The following FRAS1 variants were observed in gnomAD, a reference collection of about 807,000 sequenced individuals.
The protein encoded by FRAS1 is extracellular matrix organizing protein FRAS1.
FRAS1 carries 290 observed loss-of-function variants against 435.2 expected under a neutral mutation model. That is an observed-to-expected ratio of 0.67 (90% CI 0.61 to 0.73). The LOEUF is 0.73. Ranked by LOEUF, FRAS1 falls within the 30% of genes least tolerant of loss-of-function variation. The pLI is 0.00. For missense variants in FRAS1, 4,860 were observed against 5,001.5 expected, an observed-to-expected ratio of 0.97 and a Z score of 0.85; for synonymous variants, 1,800 against 1,851.0, an observed-to-expected ratio of 0.97 and a Z score of 0.71.
chr4:78,410,351 G>C (rs950105245), intron 31 of FRAS1, among the ~76,000 whole-genome samples: 4 of 151,250 alleles, frequency 2.6e-5, no homozygotes, highest in African/African-American at 9.7e-5. Flanking sequence ...CCTGTCCATT[G>C]GAGTTATTTG....
At position 78,315,644 on chromosome 4, in the gene FRAS1, A is replaced by C; in HGVS notation, c.1729A>C (p.Thr577Pro). 6.2e-7 allele frequency: 1 copy of C among 1,613,894 alleles called. No homozygotes were observed. Among genetic ancestry groups the C allele is most frequent in the Non-Finnish European group, 8.5e-7 (1 of 1,179,836 alleles). Residue 577 changes from threonine (T) to proline (P), a missense_variant, in exon 16 of 74, where the codon ACC (threonine) becomes CCC (proline). Thr to Pro is a conservative substitution (Grantham distance 38). Transcript: ENST00000512123. ...SCGPSSPRCL[T>P]CTEKTVLHDG... ...TGGCCCCAGTAGCCCCAGGTGTCTT[A>C]CCTGTACTGAGAAGACAGTGCTGCA...
intron 3 of FRAS1, among the ~76,000 whole-genome samples, chr4:78,241,014 C>G (rs1046000920): frequency 2.6e-5 from 4 of 152,042 alleles, no homozygotes; most frequent in Admixed American, 1.3e-4. Flanking sequence ...TGTAGGCCAC[C>G]GGTGGCCACG....
chr4:78,121,277 A>G (rs1343323692), intron 2 of FRAS1, among the ~76,000 whole-genome samples: 1 of 152,208 alleles, frequency 6.6e-6, no homozygotes, highest in African/African-American at 2.4e-5. Context: ...AAGTAAAACA[A>G]GTTTCTTTGA....
At chr4:78,086,067 C>T (rs1741145024) in intron 2 of FRAS1, among the ~76,000 whole-genome samples, 2 of 152,160 alleles carry the variant, frequency 1.3e-5, no homozygotes, top group South Asian at 4.1e-4. Context: ...GAAATGATAA[C>T]AAACTGTCTC....
intron 2 of FRAS1, among the ~76,000 whole-genome samples, chr4:78,111,898 C>T (rs1167016623): frequency 6.6e-6 from 1 of 151,912 alleles, no homozygotes; most frequent in Non-Finnish European, 1.5e-5. Flanking sequence ...GAAAAGCAGG[C>T]TTACTGCAGC....
chr4:78,396,644 G>A (rs886468892), intron 29 of FRAS1, among the ~76,000 whole-genome samples: 7 of 152,262 alleles, frequency 4.6e-5, no homozygotes, highest in East Asian at 1.9e-4. Context: ...TGGAATTTCC[G>A]TAATAGGTTA....
chr4:78,371,100 T>TG (rs968813127), intron 23 of FRAS1, among the ~76,000 whole-genome samples: 9 of 151,038 alleles, frequency 6.0e-5, no homozygotes, highest in African/African-American at 2.2e-4. Flanking sequence ...TGTTTTTTTT[T>TG]TTTTTTGCCT....
Position 78,475,558 on chromosome 4 carries a change from G to T in FRAS1, c.7803G>T (p.Arg2601Ser). 1 of 1,613,394 alleles carries T rather than the reference G, an allele frequency of 6.2e-7. No homozygotes were observed. Among genetic ancestry groups the T allele is most frequent in the South Asian group, 1.1e-5 (1 of 90,958 alleles). The change falls in exon 54 of 74, where the codon AGG becomes AGT. Residue 2601 changes from arginine to serine, a missense_variant. Transcript: ENST00000512123. ...TEQGTASSSS[R>S]VSSQPGQQDY... ...AAGGCACCGCCAGCTCCAGCTCCAG[G>T]GTCAGCTCCCAACCTGGGCAACAGG...
chr4:78,338,049 C>T, intron 20 of FRAS1: 1 of 492,138 alleles, frequency 2.0e-6, no homozygotes, highest in Non-Finnish European at 3.7e-6. Context: ...CTCAGACTCT[C>T]ATATTAATGA....
In FRAS1 at chr4:78,479,671, C is replaced by A. The variant is rs903670881; in HGVS notation, c.8396C>A (p.Ser2799Ter). 3 of 1,609,268 alleles carry A rather than the reference C, an allele frequency of 1.9e-6. No individual in the cohort carries two copies. Among genetic ancestry groups the A allele is most frequent in the Non-Finnish European group, 2.5e-6 (3 of 1,176,808 alleles). ...CTCATTAGTGGTCCCAACGATGCCT[C>A]GACTGTGTCCCTGGGCAACACGGCT... ...KVLISGPNDASTVSLGNTAFT... is the reference protein window; with the variant it reads ...KVLISGPNDA Residue 2799 changes from serine to a stop codon, truncating the protein, a stop_gained, in exon 56 of 74, where the codon TCG becomes TAG. Coordinates refer to ENST00000512123, the MANE Select transcript of FRAS1 (RefSeq NM_025074.7). LOFTEE classifies it high-confidence loss of function.
chr4:78,143,145 T>C (rs998053088), intron 2 of FRAS1, among the ~76,000 whole-genome samples: 4 of 151,954 alleles, frequency 2.6e-5, no homozygotes, highest in Non-Finnish European at 5.9e-5. Context: ...TCAGAAATGA[T>C]GAAAATAAAA....
At chr4:78,338,018 A>T in intron 20 of FRAS1, 3 of 545,904 alleles carry the variant, frequency 5.5e-6, no homozygotes, top group Non-Finnish European at 6.5e-6. Flanking sequence ...TTCTAATAAT[A>T]CTCTTGCAAA....
chr4:78,170,428 A>AT (rs1721504481), intron 2 of FRAS1, among the ~76,000 whole-genome samples: 3 of 152,126 alleles, frequency 2.0e-5, no homozygotes, highest in African/African-American at 7.2e-5. Context: ...TTCATGTTGC[A>AT]TTTTAGCATC....
At chr4:78,504,613 G>T (rs1001352685) in intron 61 of FRAS1, among the ~76,000 whole-genome samples, 1 of 152,132 alleles carries the variant, frequency 6.6e-6, no homozygotes, top group Non-Finnish European at 1.5e-5. Context: ...GAGCATACGT[G>T]TGTCTCTGCA....
intron 14 of FRAS1, among the ~76,000 whole-genome samples, chr4:78,305,586 T>C (rs1728668743): frequency 7.5e-6 from 1 of 133,804 alleles, no homozygotes; most frequent in Admixed American, 7.7e-5. Context: ...TTAGCTCTTC[T>C]TGTTGAATTG....
At chr4:78,087,756 C>A (rs1032970276) in intron 2 of FRAS1, among the ~76,000 whole-genome samples, 2 of 152,170 alleles carry the variant, frequency 1.3e-5, no homozygotes, top group African/African-American at 2.4e-5. Context: ...CTACAAACCA[C>A]TGCTCAATGA....
intron 66 of FRAS1, among the ~76,000 whole-genome samples, chr4:78,516,858 A>C (rs1721230383): frequency 6.6e-6 from 1 of 152,184 alleles, no homozygotes; most frequent in Non-Finnish European, 1.5e-5. Flanking sequence ...CTTGACATGT[A>C]GGGATTATGG....
chr4:78,068,595 C>A, intron 2 of FRAS1: 1 of 456,194 alleles, frequency 2.2e-6, no homozygotes, highest in South Asian at 1.5e-5. Flanking sequence ...GGAGGAATGG[C>A]AACACTGGAC....
At chr4:78,115,767 T>C (rs1343471455) in intron 2 of FRAS1, among the ~76,000 whole-genome samples, 1 of 152,180 alleles carries the variant, frequency 6.6e-6, no homozygotes, top group South Asian at 2.1e-4. Flanking sequence ...TTGTTGATCT[T>C]TTCAAAAAAT....
Sources: gnomAD v4.1 joint callset for allele counts (sites outside exome capture counted in the v4.1 genomes callset) on GRCh38, gnomAD v4.1.1 for gene constraint, MANE v1.5 for transcripts, NCBI Gene and HGNC (gene_info 2026-07-23, HGNC 2026-07-21) for gene names.